Variants in METTL25 observed in about 807,000 individuals in gnomAD.
The protein encoded by METTL25 is probable methyltransferase-like protein 25.
A neutral mutation model predicts 71.6 loss-of-function variants in METTL25; 64 were observed. The observed-to-expected ratio is 0.89, with a 90% CI of 0.73 to 1.10. The LOEUF is 1.10. METTL25 is among the 50% of genes least tolerant of loss of function. The pLI is 0.00. For missense variants in METTL25, 807 were observed against 707.0 expected (o/e 1.14, Z -1.60); for synonymous variants, 287 against 250.3 (o/e 1.15, Z -1.38).
intron 5 of METTL25, among the ~76,000 whole-genome samples, chr12:82,411,154 T>A (rs1396372969): frequency 1.3e-5 from 2 of 151,990 alleles, no homozygotes; most frequent in Admixed American, 1.3e-4. Context: ...TCCTCAAAGA[T>A]AATGGAAACA....
chr12:82,470,545 T>C (rs1892511954), intron 9 of METTL25, among the ~76,000 whole-genome samples: 1 of 151,884 alleles, frequency 6.6e-6, no homozygotes, highest in African/African-American at 2.4e-5. Flanking sequence ...AACTAATTTT[T>C]ACAGGGCAGA....
At chr12:82,419,341 A>G (rs1435159128) in intron 5 of METTL25, among the ~76,000 whole-genome samples, 1 of 152,128 alleles carries the variant, frequency 6.6e-6, no homozygotes, top group East Asian at 1.9e-4. Flanking sequence ...TTATCTCTAA[A>G]ATTACTAACT....
intron 5 of METTL25, among the ~76,000 whole-genome samples, chr12:82,412,901 G>A (rs983004238): frequency 4.0e-5 from 6 of 151,302 alleles, no homozygotes; most frequent in African/African-American, 1.5e-4. Flanking sequence ...TTACTGTTGT[G>A]CCCCAGCATT....
At chr12:82,372,513 A>G (rs1883345733) in intron 1 of METTL25, among the ~76,000 whole-genome samples, 1 of 152,206 alleles carries the variant, frequency 6.6e-6, no homozygotes, top group African/African-American at 2.4e-5. Context: ...AAGCTTGGAC[A>G]TAAGGTATTT....
At chr12:82,473,654 G>T (rs1892697444) in intron 9 of METTL25, among the ~76,000 whole-genome samples, 1 of 152,176 alleles carries the variant, frequency 6.6e-6, no homozygotes, top group African/African-American at 2.4e-5. Context: ...GTACATCGTT[G>T]GTTGTGGGTG....
intron 4 of METTL25, among the ~76,000 whole-genome samples, chr12:82,400,013 A>T (rs1424705913): frequency 3.3e-5 from 5 of 151,362 alleles, no homozygotes; most frequent in African/African-American, 1.2e-4. Context: ...CTTTTTAAAG[A>T]AATTCTTCCC....
In METTL25 at chr12:82,381,639, C is replaced by T. The variant is rs540707548; in HGVS notation, c.260-5164C>T. Among the ~76,000 whole-genome samples the T allele has an allele frequency of 4.3e-4, 65 of 152,272 alleles. No individual in the cohort carries two copies. In the East Asian group the frequency reaches 0.01, roughly 24 times the overall value. On this transcript the variant is annotated intron_variant, in intron 1 of 11. Coordinates refer to ENST00000248306, the MANE Select transcript of METTL25 (RefSeq NM_032230.3). ...GGATTATGAACAGACTCAAAACATT[C>T]GGAAAACTTAACTCATCCCATCTTT...
intron 5 of METTL25, among the ~76,000 whole-genome samples, chr12:82,404,345 A>T (rs17712927): frequency 6.6e-6 from 1 of 152,082 alleles, no homozygotes; most frequent in Non-Finnish European, 1.5e-5. Context: ...ACCAAAAATT[A>T]GGGTAAAAAA....
chr12:82,380,366 CAA>C (rs1884319144), intron 1 of METTL25, among the ~76,000 whole-genome samples: 1 of 152,000 alleles, frequency 6.6e-6, no homozygotes, highest in Non-Finnish European at 1.5e-5. Context: ...ACCCTCATGA[CAA>C]AAGTTTACCT....
intron 1 of METTL25, among the ~76,000 whole-genome samples, chr12:82,361,603 C>T (rs528184035): frequency 3.0e-4 from 46 of 152,294 alleles, no homozygotes; most frequent in African/African-American, 1.1e-3. Flanking sequence ...TCAAGAGCAG[C>T]GCTGGTGGGC....
rs1039091799 is a variant in METTL25, at chr12:82,392,825, AG to A, written c.531+2907del. 4.7e-4 allele frequency among the ~76,000 whole-genome samples: 72 copies of A among 152,046 alleles called. 1 individual carries two copies. Among genetic ancestry groups the A allele is most frequent in the Non-Finnish European group, 7.6e-4 (52 of 67,978 alleles). ...TTGATTTTTGTATATGGTGAGAGATAGGGGTCTAGTTTCATTCTTCTGCTTA... is the reference window on the plus strand; with the variant it reads ...TTGATTTTTGTATATGGTGAGAGATAGGGTCTAGTTTCATTCTTCTGCTTA... On this transcript the variant is annotated intron_variant, in intron 3 of 11. Coordinates refer to ENST00000248306, the MANE Select transcript of METTL25 (RefSeq NM_032230.3).
chr12:82,402,104 T>C (rs1242940529), intron 4 of METTL25, among the ~76,000 whole-genome samples: 1 of 152,100 alleles, frequency 6.6e-6, no homozygotes, highest in East Asian at 1.9e-4. Flanking sequence ...TGTGTGTGTG[T>C]ACATTTAAAT....
chr12:82,418,391 A>T (rs78591087), intron 5 of METTL25, among the ~76,000 whole-genome samples: 2,859 of 152,254 alleles, frequency 0.019, 86 homozygotes, highest in African/African-American at 0.065. Flanking sequence ...TCATGACTGC[A>T]TAAAATTATA....
intron 1 of METTL25, among the ~76,000 whole-genome samples, chr12:82,367,237 C>T (rs1455392777): frequency 6.6e-6 from 1 of 152,128 alleles, no homozygotes; most frequent in Non-Finnish European, 1.5e-5. Flanking sequence ...AGCCAATCAT[C>T]ATATATTTGG....
At position 82,358,672 on chromosome 12, in the gene METTL25, C is replaced by T. The variant is rs751525377; in HGVS notation, c.107C>T (p.Ala36Val). Residue 36 changes from alanine to valine, a missense_variant, in exon 1 of 12, where the codon GCA (alanine) becomes GTA (valine). Coordinates refer to ENST00000248306, the MANE Select transcript of METTL25 (RefSeq NM_032230.3). ...AGGGATGCCCTGTCCATTTCCAATG[C>T]ACATACCGTGGATTTCTACACAGAA... ...FLRDALSISNAHTVDFYTESV... is the reference protein window; with the variant it reads ...FLRDALSISNVHTVDFYTESV... 6.2e-7 allele frequency: 1 copy of T among 1,614,198 alleles called. No individual in the cohort carries two copies. Among genetic ancestry groups the T allele is most frequent in the Non-Finnish European group, 8.5e-7 (1 of 1,180,036 alleles).
chr12:82,385,636 T>C (rs1050114763), intron 1 of METTL25, among the ~76,000 whole-genome samples: 1 of 152,186 alleles, frequency 6.6e-6, no homozygotes, highest in African/African-American at 2.4e-5. Flanking sequence ...AAAATGGCCA[T>C]AGAACAATGA....
In METTL25 at chr12:82,438,765, T is replaced by TA. The variant is rs766038900; in HGVS notation, c.1455dup (p.Asp486ArgfsTer9). On this transcript the variant is annotated frameshift_variant, in exon 8 of 12. Coordinates refer to ENST00000248306, the MANE Select transcript of METTL25 (RefSeq NM_032230.3). LOFTEE classifies it high-confidence loss of function. ...ATCGTGCTGTTCTTCAGGATATTAT[T>TA]AAAGATTGTTATGGCATCACCAAAT... 15 of 1,532,668 alleles carry TA rather than the reference T, an allele frequency of 9.8e-6. No homozygotes were observed. Among genetic ancestry groups the TA allele is most frequent in the South Asian group, 3.7e-5 (3 of 82,030 alleles). 94.9% of individuals were successfully genotyped at this position (1,532,668 alleles called of 1,614,324 possible).
chr12:82,416,259 C>G (rs1376634057), intron 5 of METTL25, among the ~76,000 whole-genome samples: 2 of 151,962 alleles, frequency 1.3e-5, no homozygotes, highest in African/African-American at 4.8e-5. Flanking sequence ...TTTTAAGTTA[C>G]TTTTTACACC....
At chr12:82,397,501 A>G (rs1015672062) in intron 3 of METTL25, among the ~76,000 whole-genome samples, 3 of 152,088 alleles carry the variant, frequency 2.0e-5, no homozygotes, top group African/African-American at 4.8e-5. Flanking sequence ...TATGTCCTAC[A>G]TAAGAAATGT....
Sources: gnomAD v4.1 joint callset for allele counts (sites outside exome capture counted in the v4.1 genomes callset) on GRCh38, gnomAD v4.1.1 for gene constraint, MANE v1.5 for transcripts, NCBI Gene and HGNC (gene_info 2026-07-23, HGNC 2026-07-21) for gene names.